TRHDE: variants seen among roughly 807,000 people sequenced by gnomAD.
TRHDE encodes thyrotropin-releasing hormone-degrading ectoenzyme.
In TRHDE, 72 loss-of-function variants were observed where a neutral mutation model predicts 125.7. The observed-to-expected ratio is 0.57, with a 90% CI of 0.47 to 0.70. The LOEUF is 0.70. TRHDE is among the 30% of genes least tolerant of loss of function. The probability of loss-of-function intolerance (pLI) is 0.00; values close to 1 mark genes in which losing one functional copy is unlikely to be tolerated. For synonymous variants in TRHDE, 509 were observed against 509.1 expected (o/e 1.00, Z 0.00); for missense variants, 1,110 against 1,327.1 (o/e 0.84, Z 2.54).
At chr12:72,252,721 G>A (rs1878712372) in intron 2 of TRHDE, among the ~76,000 whole-genome samples, 1 of 151,982 alleles carries the variant, frequency 6.6e-6, no homozygotes, top group African/African-American at 2.4e-5. Flanking sequence ...AGATTACTTT[G>A]AGGCAAATTG....
intron 2 of TRHDE, among the ~76,000 whole-genome samples, chr12:72,292,889 C>T (rs923411176): frequency 6.6e-6 from 1 of 152,132 alleles, no homozygotes; most frequent in Non-Finnish European, 1.5e-5. Context: ...TTTTAATGCT[C>T]ACTGCGGAGA....
chr12:72,422,226 T>C (rs1873985812), intron 3 of TRHDE, among the ~76,000 whole-genome samples: 1 of 152,184 alleles, frequency 6.6e-6, no homozygotes, highest in Non-Finnish European at 1.5e-5. Context: ...GCCAATTTTG[T>C]GCTGCACCTT....
intron 2 of TRHDE, among the ~76,000 whole-genome samples, chr12:72,144,238 G>C (rs1013685493): frequency 6.6e-6 from 1 of 152,148 alleles, no homozygotes; most frequent in Admixed American, 6.5e-5. Flanking sequence ...ACTCACAGTG[G>C]GTCAGTGTTT....
chr12:72,528,163 T>G (rs921682278), intron 6 of TRHDE, among the ~76,000 whole-genome samples: 27 of 152,236 alleles, frequency 1.8e-4, no homozygotes, highest in African/African-American at 6.5e-4. Context: ...ACCTAAAATC[T>G]AATTTGTAAT....
intron 3 of TRHDE, among the ~76,000 whole-genome samples, chr12:72,415,280 A>T (rs1419267962): frequency 6.6e-6 from 1 of 152,114 alleles, no homozygotes; most frequent in Non-Finnish European, 1.5e-5. Context: ...TATTTATGGG[A>T]TATATGTGAT....
At chr12:72,417,677 A>G (rs1873788682) in intron 3 of TRHDE, among the ~76,000 whole-genome samples, 2 of 152,006 alleles carry the variant, frequency 1.3e-5, no homozygotes, top group Non-Finnish European at 2.9e-5. Flanking sequence ...GTGTGATTCT[A>G]TTTGGTGCAT....
At chr12:72,589,188 A>C (rs1397786368) in intron 12 of TRHDE, among the ~76,000 whole-genome samples, 1 of 152,178 alleles carries the variant, frequency 6.6e-6, no homozygotes, top group East Asian at 1.9e-4. Context: ...GTTGAGATGC[A>C]TGCAGATGTT....
chr12:72,643,327 G>C (rs1185645442), intron 15 of TRHDE, among the ~76,000 whole-genome samples: 1 of 152,144 alleles, frequency 6.6e-6, no homozygotes, highest in Non-Finnish European at 1.5e-5. Flanking sequence ...AAATATATGT[G>C]TGTTTCATTT....
rs372434474 is a variant in TRHDE, at chr12:72,542,283, T to C, written c.1723-8T>C. The C allele has an allele frequency of 5.6e-5, 90 of 1,593,942 alleles. No individual in the cohort carries two copies. The Middle Eastern group carries it at 8.4e-4, about 15-fold the overall frequency. On this transcript the variant is annotated splice_polypyrimidine_tract_variant and splice_region_variant and intron_variant, in intron 6 of 18. Transcript: ENST00000261180. ...AAATTCTGTTCTTTTTATTATTCTT[T>C]CCTATAGGGTGCTGCTTTAATAAGA...
intron 2 of TRHDE, among the ~76,000 whole-genome samples, chr12:72,322,434 CT>C (rs1444714910): frequency 6.6e-6 from 1 of 152,048 alleles, no homozygotes; most frequent in African/African-American, 2.4e-5. Flanking sequence ...GTTAGATAAA[CT>C]TTGTACAGGC....
intron 15 of TRHDE, among the ~76,000 whole-genome samples, chr12:72,646,158 T>C (rs1258988115): frequency 6.6e-6 from 1 of 152,084 alleles, no homozygotes; most frequent in Admixed American, 6.6e-5. Context: ...TGAGTATGAC[T>C]AAAATATATT....
At chr12:72,497,497 G>A (rs1877971602) in intron 5 of TRHDE, among the ~76,000 whole-genome samples, 1 of 152,082 alleles carries the variant, frequency 6.6e-6, no homozygotes, top group Non-Finnish European at 1.5e-5. Context: ...TCAGGTACTT[G>A]AATGGCTTGT....
At chr12:72,125,118 A>C (rs1020590851) in intron 2 of TRHDE, among the ~76,000 whole-genome samples, 2 of 152,156 alleles carry the variant, frequency 1.3e-5, no homozygotes, top group Non-Finnish European at 2.9e-5. Context: ...AATAAAATTG[A>C]CTTGTAATTT....
At chr12:72,372,282 A>C (rs866304818) in intron 2 of TRHDE, among the ~76,000 whole-genome samples, 2 of 151,780 alleles carry the variant, frequency 1.3e-5, no homozygotes, top group Middle Eastern at 3.4e-3. Context: ...TGTAGATTCT[A>C]GATATTAGCC....
chr12:72,620,304 G>C (rs1182917625), intron 13 of TRHDE, among the ~76,000 whole-genome samples: 4 of 133,572 alleles, frequency 3.0e-5, no homozygotes, highest in Non-Finnish European at 6.1e-5. Flanking sequence ...GTGAGGGAGA[G>C]CCAACCTGGG....
At chr12:72,304,811 A>G (rs1380128188) in intron 2 of TRHDE, among the ~76,000 whole-genome samples, 1 of 152,210 alleles carries the variant, frequency 6.6e-6, no homozygotes, top group African/African-American at 2.4e-5. Context: ...GAAATTATTA[A>G]TATAGGGAAT....
chr12:72,615,356 G>T (rs1186783567), intron 12 of TRHDE, among the ~76,000 whole-genome samples: 1 of 152,136 alleles, frequency 6.6e-6, no homozygotes, highest in South Asian at 2.1e-4. Context: ...CCCTAAGTGC[G>T]CTTCCTACTG....
intron 12 of TRHDE, among the ~76,000 whole-genome samples, chr12:72,609,888 A>G (rs201558712): frequency 2.0e-5 from 3 of 151,904 alleles, no homozygotes; most frequent in Admixed American, 1.3e-4. Flanking sequence ...TCCTGTTGGA[A>G]TTTTTTATTC....
At chr12:72,093,230 C>T (rs1253264965) in intron 1 of TRHDE, among the ~76,000 whole-genome samples, 4 of 152,134 alleles carry the variant, frequency 2.6e-5, no homozygotes, top group African/African-American at 9.7e-5. Context: ...GAATCTCTTT[C>T]TTCTTGCTGC....
Sources: gnomAD v4.1 joint callset for allele counts (sites outside exome capture counted in the v4.1 genomes callset) on GRCh38, gnomAD v4.1.1 for gene constraint, MANE v1.5 for transcripts, NCBI Gene and HGNC (gene_info 2026-07-23, HGNC 2026-07-21) for gene names.